Variants in ANO3 observed in about 807,000 individuals in gnomAD.
The protein encoded by ANO3 is anoctamin 3, also known as anoctamin-3.
Under a neutral mutation model 144.8 loss-of-function variants are expected in ANO3, and 99 were observed. That is an observed-to-expected ratio of 0.68 (90% CI 0.58 to 0.81). The LOEUF (loss-of-function observed/expected upper bound fraction) is 0.81, where lower values mean the gene tolerates loss of function less well. Ranked by LOEUF, ANO3 falls within the 30% of genes least tolerant of loss-of-function variation. The pLI is 0.00. For synonymous variants in ANO3, 414 were observed against 392.6 expected (o/e 1.05, Z -0.64); for missense variants, 905 against 1,202.2 (o/e 0.75, Z 3.66).
intron 24 of ANO3, among the ~76,000 whole-genome samples, chr11:26,648,734 A>C (rs1853429352): frequency 6.6e-6 from 1 of 152,198 alleles, no homozygotes; most frequent in African/African-American, 2.4e-5. Context: ...TTGGAGGCAC[A>C]TGAAACAGAG....
intron 1 of ANO3, among the ~76,000 whole-genome samples, chr11:26,421,595 A>G (rs1250358404): frequency 6.6e-6 from 1 of 152,032 alleles, no homozygotes; most frequent in Non-Finnish European, 1.5e-5. Context: ...AGGTAATAAT[A>G]TCAAGGTATC....
At chr11:26,236,284 G>T in intron 1 of ANO3, among the ~76,000 whole-genome samples, 1 of 152,002 alleles carries the variant, frequency 6.6e-6, no homozygotes, top group East Asian at 1.9e-4. Context: ...GGATCAAAAT[G>T]AAAATATTAA....
chr11:26,542,872 AAT>A (rs3038205), intron 11 of ANO3, among the ~76,000 whole-genome samples: 1 of 151,724 alleles, frequency 6.6e-6, no homozygotes, highest in African/African-American at 2.4e-5. Context: ...CATTTATATT[AAT>A]ATATGTTAAT....
intron 12 of ANO3, among the ~76,000 whole-genome samples, chr11:26,551,639 A>C (rs1849935816): frequency 6.6e-6 from 1 of 152,006 alleles, no homozygotes; most frequent in South Asian, 2.1e-4. Flanking sequence ...AACAAACTTC[A>C]ATACCTTTTT....
intron 13 of ANO3, among the ~76,000 whole-genome samples, chr11:26,553,787 C>G (rs989279514): frequency 2.6e-5 from 4 of 152,090 alleles, no homozygotes; most frequent in African/African-American, 4.8e-5. Flanking sequence ...TCCTGAAGCT[C>G]AGATCAACCC....
chr11:26,262,735 C>A (rs1335874733), intron 1 of ANO3, among the ~76,000 whole-genome samples: 2 of 151,904 alleles, frequency 1.3e-5, no homozygotes, highest in African/African-American at 2.4e-5. Context: ...CACACACACA[C>A]ACACAGAGAG....
At chr11:26,538,249 C>T (rs1315134640) in intron 10 of ANO3, among the ~76,000 whole-genome samples, 1 of 150,788 alleles carries the variant, frequency 6.6e-6, no homozygotes, top group African/African-American at 2.5e-5. Context: ...AACATTAACT[C>T]TGTTTTGTAT....
At chr11:26,382,212 G>C (rs1215866007) in intron 1 of ANO3, among the ~76,000 whole-genome samples, 1 of 152,112 alleles carries the variant, frequency 6.6e-6, no homozygotes, top group Non-Finnish European at 1.5e-5. Context: ...TGTCAGTTAG[G>C]ATTTTCCAAA....
At chr11:26,333,356 A>C (rs1337800749) in intron 1 of ANO3, among the ~76,000 whole-genome samples, 1 of 149,108 alleles carries the variant, frequency 6.7e-6, no homozygotes, top group Non-Finnish European at 1.5e-5. Context: ...ATCTCGGCTC[A>C]CTGCAAGCTC....
Position 26,513,065 on chromosome 11 carries a change from GA to G in ANO3, c.592-3753del, listed in dbSNP as rs367977741. On this transcript the variant is annotated intron_variant, in intron 5 of 26. Coordinates refer to ENST00000256737, the MANE Select transcript of ANO3 (RefSeq NM_031418.4). ...AGCAAATGAAAGTAAAAATACTATA[GA>G]AAAAAAAAGAGAGGGTATAAGAAAG... Among the ~76,000 whole-genome samples, 1,123 of 149,814 alleles carry G rather than the reference GA, an allele frequency of 7.5e-3. 10 individuals are homozygous for G. The highest frequency in any genetic ancestry group is 0.025 in the African/African-American group (1,012 of 40,880).
At chr11:26,404,668 C>T (rs2133978313) in intron 1 of ANO3, among the ~76,000 whole-genome samples, 1 of 151,664 alleles carries the variant, frequency 6.6e-6, no homozygotes, top group East Asian at 2.0e-4. Context: ...AAGATAATCA[C>T]AGTATAGTAA....
intron 14 of ANO3, 94 bp downstream of exon 14, chr11:26,559,873 C>A: frequency 9.2e-6 from 7 of 760,764 alleles, no homozygotes; most frequent in South Asian, 1.8e-5. Context: ...CACACACACA[C>A]ACCATGAATC....
At chr11:26,289,576 A>T (rs1476528138) in intron 1 of ANO3, among the ~76,000 whole-genome samples, 1 of 116,816 alleles carries the variant, frequency 8.6e-6, no homozygotes, top group Non-Finnish European at 1.7e-5. Flanking sequence ...ATATACACAT[A>T]TATCCTATAT....
At chr11:26,610,315 T>A (rs2132962953) in intron 17 of ANO3, among the ~76,000 whole-genome samples, 1 of 152,042 alleles carries the variant, frequency 6.6e-6, no homozygotes, top group East Asian at 1.9e-4. Context: ...AGCATTTTTT[T>A]TTTTTTTTTT....
intron 1 of ANO3, among the ~76,000 whole-genome samples, chr11:26,296,968 A>G (rs80064156): frequency 0.043 from 6,613 of 152,236 alleles, 478 homozygotes; most frequent in African/African-American, 0.15. Context: ...GTCAATCATT[A>G]TTAAAAATAC....
chr11:26,390,483 C>G (rs142738133), intron 1 of ANO3, among the ~76,000 whole-genome samples: 14 of 151,966 alleles, frequency 9.2e-5, no homozygotes, highest in African/African-American at 3.4e-4. Flanking sequence ...CTTCAATATC[C>G]ACCAGTGTAT....
At chr11:26,397,918 T>G (rs1857057779) in intron 1 of ANO3, among the ~76,000 whole-genome samples, 1 of 151,836 alleles carries the variant, frequency 6.6e-6, no homozygotes, top group Non-Finnish European at 1.5e-5. Flanking sequence ...ACATTTAGCC[T>G]GTCTTTTATG....
chr11:26,354,604 T>G (rs1855728808), intron 1 of ANO3, among the ~76,000 whole-genome samples: 1 of 152,026 alleles, frequency 6.6e-6, no homozygotes, highest in Non-Finnish European at 1.5e-5. Context: ...TTTAGCTCTA[T>G]TTTTTTTCTG....
intron 1 of ANO3, among the ~76,000 whole-genome samples, chr11:26,319,234 A>C (rs1219012680): frequency 6.6e-6 from 1 of 151,946 alleles, no homozygotes; most frequent in Non-Finnish European, 1.5e-5. Flanking sequence ...TCTGGACTCA[A>C]GTGATCCTCC....
Sources: allele counts gnomAD v4.1 joint callset (sites outside exome capture counted in the v4.1 genomes callset), GRCh38; gene constraint gnomAD v4.1.1; transcripts MANE v1.5; gene names NCBI Gene and HGNC (gene_info 2026-07-23, HGNC 2026-07-21).